Variants in PLEKHG7 observed in about 807,000 individuals in gnomAD.
PLEKHG7 encodes pleckstrin homology domain-containing family G member 7.
Under a neutral mutation model 85.2 loss-of-function variants are expected in PLEKHG7, and 77 were observed. The ratio of observed to expected loss-of-function variants is 0.90; its 90% CI spans 0.75 to 1.09. PLEKHG7 has a LOEUF of 1.09. Among genes scored for constraint, PLEKHG7 ranks in the 50% least tolerant of loss-of-function variants. The probability of loss-of-function intolerance (pLI) is 0.00; values close to 1 mark genes in which losing one functional copy is unlikely to be tolerated. For synonymous variants in PLEKHG7, 301 were observed against 302.4 expected, an observed-to-expected ratio of 1.00 and a Z score of 0.05; for missense variants, 777 against 804.3, an observed-to-expected ratio of 0.97 and a Z score of 0.41.
Position 92,755,925 on chromosome 12 carries a change from G to T in PLEKHG7, c.1527G>T (p.Arg509Ser), listed in dbSNP as rs757645379. The change falls in exon 12 of 17, where the codon AGG (arginine) becomes AGT (serine). Residue 509 changes from arginine to serine, a missense_variant. Arg to Ser is a moderately radical substitution (Grantham distance 110, BLOSUM62 -1). Transcript: ENST00000344636. ...CACCGCTTTGGGATAGAGATAAAAG[G>T]TTTTTCATTCCAGAGGTACAAAAAA... is the stretch of plus-strand genomic sequence containing the variant. ...VWPPLWDRDK[R>S]FFIPECLKHI... 2.0e-5 allele frequency: 32 copies of T among 1,606,846 alleles called. No homozygotes were observed. The Admixed American group carries it at 5.1e-4, about 26-fold the overall frequency.
intron 13 of PLEKHG7, among the ~76,000 whole-genome samples, chr12:92,757,053 G>A (rs1872854944): frequency 6.6e-6 from 1 of 152,228 alleles, no homozygotes; most frequent in Non-Finnish European, 1.5e-5. Flanking sequence ...AAGTCTTGGA[G>A]GCAGAAGCCC....
At chr12:92,746,605 T>C (rs1872539454) in intron 10 of PLEKHG7, among the ~76,000 whole-genome samples, 2 of 152,224 alleles carry the variant, frequency 1.3e-5, no homozygotes, top group Non-Finnish European at 2.9e-5. Flanking sequence ...ATTACACTCT[T>C]AGCTAGGCCC....
At chr12:92,724,512 G>T (rs1010559511) in intron 3 of PLEKHG7, among the ~76,000 whole-genome samples, 1 of 152,166 alleles carries the variant, frequency 6.6e-6, no homozygotes, top group African/African-American at 2.4e-5. Flanking sequence ...GTGTCAGTAA[G>T]GATAGCATTT....
At chr12:92,756,098 C>T (rs1872820991) in intron 12 of PLEKHG7, among the ~76,000 whole-genome samples, 158 bp downstream of exon 12, 2 of 152,126 alleles carry the variant, frequency 1.3e-5, no homozygotes, top group South Asian at 4.1e-4. Context: ...GCATTGTATG[C>T]GGGGAGGCTG....
At chr12:92,732,977 G>T (rs1872035532) in intron 5 of PLEKHG7, among the ~76,000 whole-genome samples, 1 of 152,204 alleles carries the variant, frequency 6.6e-6, no homozygotes. Flanking sequence ...ACCAGCAGCA[G>T]CAGCGGGGCC....
intron 10 of PLEKHG7, among the ~76,000 whole-genome samples, chr12:92,752,957 T>C (rs529910946): frequency 2.0e-5 from 3 of 152,270 alleles, no homozygotes; most frequent in African/African-American, 4.8e-5. Flanking sequence ...ACCCCTTTTA[T>C]AGGGACACTA....
intron 15 of PLEKHG7, among the ~76,000 whole-genome samples, chr12:92,767,497 C>CTT (rs59965480): frequency 6.8e-6 from 1 of 147,576 alleles, no homozygotes; most frequent in Non-Finnish European, 1.5e-5. Flanking sequence ...ACACAGCCAG[C>CTT]TTTTTTTTTT....
chr12:92,729,473 A>G (rs1565789776), intron 4 of PLEKHG7, among the ~76,000 whole-genome samples: 1 of 149,746 alleles, frequency 6.7e-6, no homozygotes, highest in African/African-American at 2.5e-5. Context: ...TATTGCTGTC[A>G]TGTTCATCTC....
chr12:92,720,300 C>T (rs1162291009), intron 3 of PLEKHG7, among the ~76,000 whole-genome samples: 3 of 151,044 alleles, frequency 2.0e-5, no homozygotes, highest in South Asian at 2.1e-4. Context: ...CTTCTCTCTT[C>T]GCTGTGTCTC....
chr12:92,761,630 GAAAGAAAGAAAGAAAGA>G lies in PLEKHG7; in HGVS notation c.1637-119_1637-103del, dbSNP rs1191794807. Reference sequence around the variant, plus strand: ...GAAAAAGAAAGAAAGAAAGAAGAAAGAAAGAAAGAAAGAAAGAAAGAAAGAAAGAAAGAAAGAAAGAA... The same window carrying G: ...GAAAAAGAAAGAAAGAAAGAAGAAAGAAGAAAGAAAGAAAGAAAGAAAGAA... On this transcript the variant is annotated intron_variant, in intron 13 of 16. Coordinates refer to ENST00000344636, the MANE Select transcript of PLEKHG7 (RefSeq NM_001377329.1). The G allele has an allele frequency of 1.4e-3, 185 of 135,250 alleles. 2 individuals carry two copies. The highest frequency in any genetic ancestry group is 7.3e-3 in the African/African-American group (68 of 9,370). 8.4% of individuals were successfully genotyped at this position (135,250 alleles called of 1,614,324 possible).
intron 13 of PLEKHG7, among the ~76,000 whole-genome samples, chr12:92,757,304 G>T (rs968812220): frequency 6.6e-6 from 1 of 152,180 alleles, no homozygotes; most frequent in Non-Finnish European, 1.5e-5. Flanking sequence ...GATCAGAAAG[G>T]CTGCCTGGCT....
At chr12:92,746,940 T>G (rs936226479) in intron 10 of PLEKHG7, among the ~76,000 whole-genome samples, 1 of 152,084 alleles carries the variant, frequency 6.6e-6, no homozygotes, top group African/African-American at 2.4e-5. Flanking sequence ...GAAGAAAACA[T>G]AAAAGAAGCA....
chr12:92,748,191 A>G lies in PLEKHG7; in HGVS notation c.1251+2600A>G, dbSNP rs142210675. ...TTGTATATGAATAAAAATGTGTGTGACATCCAGGGATATTTTGGGAAAGGT... is the reference window on the plus strand; with the variant it reads ...TTGTATATGAATAAAAATGTGTGTGGCATCCAGGGATATTTTGGGAAAGGT... On this transcript the variant is annotated intron_variant, in intron 10 of 16. Coordinates refer to ENST00000344636, the MANE Select transcript of PLEKHG7 (RefSeq NM_001377329.1). Among the ~76,000 whole-genome samples the G allele has an allele frequency of 5.7e-3, 866 of 152,240 alleles. 8 individuals carry two copies. The highest frequency in any genetic ancestry group is 0.019 in the African/African-American group (799 of 41,526).
intron 3 of PLEKHG7, among the ~76,000 whole-genome samples, chr12:92,711,244 C>T (rs1369033034): frequency 6.6e-6 from 1 of 152,176 alleles, no homozygotes; most frequent in Non-Finnish European, 1.5e-5. Flanking sequence ...TTGGGTGGTG[C>T]CTGCATATTG....
intron 10 of PLEKHG7, among the ~76,000 whole-genome samples, chr12:92,752,145 A>G (rs12298131): frequency 6.6e-6 from 1 of 152,066 alleles, no homozygotes; most frequent in Non-Finnish European, 1.5e-5. Context: ...CTAGGAGATA[A>G]AAGGGGAGGG....
intron 13 of PLEKHG7, among the ~76,000 whole-genome samples, chr12:92,759,579 G>C (rs1232345517): frequency 6.6e-6 from 1 of 152,290 alleles, no homozygotes; most frequent in Admixed American, 6.5e-5. Context: ...GACTCAGGCT[G>C]GAGCCTTGAT....
intron 3 of PLEKHG7, among the ~76,000 whole-genome samples, chr12:92,727,056 G>T (rs759494896): frequency 1.4e-4 from 22 of 152,176 alleles, no homozygotes; most frequent in Non-Finnish European, 2.9e-4. Flanking sequence ...CTTCTGCTTT[G>T]GATTAGTCAA....
chr12:92,746,366 G>T (rs571815170), intron 10 of PLEKHG7, among the ~76,000 whole-genome samples: 24 of 152,346 alleles, frequency 1.6e-4, no homozygotes, highest in African/African-American at 4.6e-4. Context: ...GGTTCCCAAT[G>T]ACTCAGCTGT....
intron 1 of PLEKHG7, among the ~76,000 whole-genome samples, chr12:92,705,930 C>T (rs1346032725): frequency 6.6e-6 from 1 of 152,156 alleles, no homozygotes; most frequent in African/African-American, 2.4e-5. Context: ...TTCAAACCTG[C>T]AAGTCCTTTT....
Sources: gnomAD v4.1 joint callset for allele counts (sites outside exome capture counted in the v4.1 genomes callset) on GRCh38, gnomAD v4.1.1 for gene constraint, MANE v1.5 for transcripts, NCBI Gene and HGNC (gene_info 2026-07-23, HGNC 2026-07-21) for gene names.